Variants in DPYD observed in about 807,000 individuals in gnomAD.
The protein encoded by DPYD is dihydropyrimidine dehydrogenase [NADP(+)].
A neutral mutation model predicts 116.2 loss-of-function variants in DPYD; 109 were observed. The observed-to-expected ratio is 0.94, with a 90% CI of 0.80 to 1.10. The LOEUF is 1.10. Ranked by LOEUF, DPYD falls within the 50% of genes least tolerant of loss-of-function variation. DPYD has a pLI of 0.00. For missense variants in DPYD, 1,302 were observed against 1,254.5 expected (o/e 1.04, Z -0.57); for synonymous variants, 440 against 432.0 (o/e 1.02, Z -0.23).
At chr1:97,509,161 C>T (rs1472221702) in intron 13 of DPYD, among the ~76,000 whole-genome samples, 1 of 151,954 alleles carries the variant, frequency 6.6e-6, no homozygotes, top group East Asian at 1.9e-4. Flanking sequence ...GCCATACTGC[C>T]AAACTGTCGA....
intron 2 of DPYD, among the ~76,000 whole-genome samples, chr1:97,859,141 T>C (rs1211471122): frequency 2.0e-5 from 3 of 152,190 alleles, no homozygotes; most frequent in African/African-American, 7.2e-5. Context: ...TTAAGATTTC[T>C]GTCTGTTTGC....
At chr1:97,684,273 G>A (rs952412704) in intron 7 of DPYD, among the ~76,000 whole-genome samples, 5 of 152,186 alleles carry the variant, frequency 3.3e-5, no homozygotes, top group African/African-American at 1.2e-4. Context: ...CCTGAGTTCT[G>A]CCTTAATTTC....
chr1:97,310,322 C>T (rs1427162459), intron 16 of DPYD, among the ~76,000 whole-genome samples: 2 of 151,692 alleles, frequency 1.3e-5, no homozygotes, highest in Admixed American at 6.6e-5. Flanking sequence ...CCAATTTCAC[C>T]TTCTTAATTT....
chr1:97,247,191 A>G (rs1662776523), intron 18 of DPYD, among the ~76,000 whole-genome samples: 1 of 152,224 alleles, frequency 6.6e-6, no homozygotes, highest in Non-Finnish European at 1.5e-5. Context: ...ATTTTCACAG[A>G]TGCATCTATA....
At chr1:97,107,499 T>C (rs532633493) in intron 20 of DPYD, among the ~76,000 whole-genome samples, 1 of 152,170 alleles carries the variant, frequency 6.6e-6, no homozygotes, top group Non-Finnish European at 1.5e-5. Flanking sequence ...GAGGGGATTA[T>C]AAATTTAACA....
chr1:97,129,974 T>C (rs1444606912), intron 20 of DPYD, among the ~76,000 whole-genome samples: 2 of 152,166 alleles, frequency 1.3e-5, no homozygotes, highest in South Asian at 2.1e-4. Flanking sequence ...TTTCTAAATG[T>C]CCAGCCTTTC....
rs56673700 is a variant in DPYD at position 97,823,864 on chromosome 1, C to CTT, written c.233+4248_233+4249dup. ...GCCATGTGAAGTGAGACTACAAAGT[C>CTT]TTTTTTTTTTTTTTTTTTTTTTTGT... On this transcript the variant is annotated intron_variant, in intron 3 of 22. Coordinates refer to ENST00000370192, the MANE Select transcript of DPYD (RefSeq NM_000110.4). Among the ~76,000 whole-genome samples the CTT allele has an allele frequency of 3.4e-3, 281 of 81,692 alleles. 2 individuals are homozygous for CTT. The highest frequency in any genetic ancestry group is 8.8e-3 in the Middle Eastern group (1 of 114). 53.6% of individuals were successfully genotyped at this position (81,692 alleles called of 152,430 possible).
intron 12 of DPYD, chr1:97,546,762 T>C (rs193257092): frequency 5.6e-5 from 90 of 1,613,198 alleles, no homozygotes; most frequent in Non-Finnish European, 6.7e-5. Context: ...ATTATCAGTA[T>C]ACTGTGTTTC....
chr1:97,822,601 A>C (rs2101454845), intron 3 of DPYD, among the ~76,000 whole-genome samples: 1 of 152,142 alleles, frequency 6.6e-6, no homozygotes, highest in South Asian at 2.1e-4. Flanking sequence ...TAATACAAAA[A>C]AAAGTATGTT....
intron 16 of DPYD, among the ~76,000 whole-genome samples, chr1:97,349,257 T>C (rs966083455): frequency 6.6e-6 from 1 of 151,980 alleles, no homozygotes; most frequent in Non-Finnish European, 1.5e-5. Flanking sequence ...GAGAACCATT[T>C]AATATTATCA....
chr1:97,770,588 A>C (rs527780403), intron 3 of DPYD, among the ~76,000 whole-genome samples: 61 of 152,320 alleles, frequency 4.0e-4, no homozygotes, highest in Non-Finnish European at 7.8e-4. Context: ...ACTGTTTTCA[A>C]ACTGTTTTGA....
chr1:97,364,537 T>C (rs1041425047), intron 16 of DPYD, among the ~76,000 whole-genome samples: 7 of 152,050 alleles, frequency 4.6e-5, no homozygotes, highest in African/African-American at 1.7e-4. Context: ...TAAACAAAAC[T>C]TTTTTTTGGA....
intron 18 of DPYD, among the ~76,000 whole-genome samples, chr1:97,255,819 C>A (rs1663417149): frequency 6.6e-6 from 1 of 151,564 alleles, no homozygotes; most frequent in Non-Finnish European, 1.5e-5. Context: ...GCGCCAGAGT[C>A]CACGTTCCTT....
At chr1:97,866,359 T>A (rs1671378016) in intron 2 of DPYD, among the ~76,000 whole-genome samples, 1 of 151,944 alleles carries the variant, frequency 6.6e-6, no homozygotes, top group Admixed American at 6.6e-5. Context: ...TACTGATGGA[T>A]GTGTTTAAAG....
chr1:97,731,706 T>C (rs1442633185), intron 4 of DPYD, among the ~76,000 whole-genome samples: 1 of 152,026 alleles, frequency 6.6e-6, no homozygotes, highest in African/African-American at 2.4e-5. Flanking sequence ...AGATGCCTAG[T>C]TCAATTACAT....
chr1:97,774,937 A>G (rs967968290), intron 3 of DPYD: 8 of 322,342 alleles, frequency 2.5e-5, no homozygotes, highest in Non-Finnish European at 5.2e-5. Context: ...TGCTAGAAAT[A>G]GCATCCTCAA....
intron 12 of DPYD, among the ~76,000 whole-genome samples, chr1:97,541,984 T>G (rs539336050): frequency 6.6e-6 from 1 of 152,262 alleles, no homozygotes; most frequent in East Asian, 1.9e-4. Context: ...AAAAGTAAAT[T>G]TAATATTATA....
chr1:97,546,325 CA>C, intron 12 of DPYD: 2 of 1,423,526 alleles, frequency 1.4e-6, no homozygotes, highest in Non-Finnish European at 2.0e-6. Context: ...GCAACAGAAA[CA>C]AAAGCTGGCA....
intron 1 of DPYD, among the ~76,000 whole-genome samples, chr1:97,895,493 A>C (rs146290234): frequency 0.015 from 2,355 of 151,952 alleles, 66 homozygotes; most frequent in African/African-American, 0.055. Flanking sequence ...TAGCGTGACT[A>C]GTTGCCCTTC....
Sources: gnomAD v4.1 joint callset for allele counts (sites outside exome capture counted in the v4.1 genomes callset) on GRCh38, gnomAD v4.1.1 for gene constraint, MANE v1.5 for transcripts, NCBI Gene and HGNC (gene_info 2026-07-23, HGNC 2026-07-21) for gene names.